The following PSMG2 variants were observed in gnomAD, a reference collection of about 807,000 sequenced individuals.
PSMG2 encodes the protein proteasome assembly chaperone 2, also known as CD40 ligand-activated specific transcript 3.
Under a neutral mutation model 31.5 loss-of-function variants are expected in PSMG2, and 21 were observed. The ratio of observed to expected loss-of-function variants is 0.67; its 90% confidence interval spans 0.47 to 0.96. The LOEUF (loss-of-function observed/expected upper bound fraction) is 0.96. PSMG2 is among the 40% of genes least tolerant of loss of function. The probability of loss-of-function intolerance (pLI) is 0.00; values close to 1 mark genes in which losing one functional copy is unlikely to be tolerated. For missense variants in PSMG2, 318 were observed against 321.2 expected, an observed-to-expected ratio of 0.99 and a Z score of 0.08; for synonymous variants, 120 against 110.4, an observed-to-expected ratio of 1.09 and a Z score of -0.54.
intron 1 of PSMG2, chr18:12,695,236 A>T: frequency 1.8e-6 from 2 of 1,133,376 alleles, no homozygotes; most frequent in Non-Finnish European, 2.5e-6. Flanking sequence ...AAAAAAAGAG[A>T]AACTCATAAG....
chr18:12,688,419 A>C (rs911153635), intron 1 of PSMG2, among the ~76,000 whole-genome samples: 1 of 152,188 alleles, frequency 6.6e-6, no homozygotes, highest in Non-Finnish European at 1.5e-5. Flanking sequence ...GCAAATCTAC[A>C]GATCTTTGGT....
chr18:12,680,084 AT>A lies in PSMG2; in HGVS notation c.-37+21312del, dbSNP rs543187570. On this transcript the variant is annotated intron_variant, in intron 1 of 6. Transcript: ENST00000585331. ...AAAAAAAGAGAAAACTGAAAAAAAA[AT>A]ATGCTAATCATACAAAACTAGTAAA... Among the ~76,000 whole-genome samples the A allele has an allele frequency of 2.4e-4, 36 of 152,122 alleles. No individual in the cohort carries two copies. In the East Asian group the frequency reaches 5.4e-3, roughly 23 times the overall value.
chr18:12,673,297 A>G, intron 1 of PSMG2: 1 of 1,522,174 alleles, frequency 6.6e-7, no homozygotes, highest in Non-Finnish European at 8.7e-7. Context: ...ACCTCTAAAT[A>G]GCTAAGTAAT....
At chr18:12,697,188 T>C (rs751110864) in intron 1 of PSMG2, 4 of 1,363,450 alleles carry the variant, frequency 2.9e-6, no homozygotes, top group South Asian at 2.8e-5. Flanking sequence ...ACTGTGGCTA[T>C]AAAAAGGTTA....
chr18:12,692,410 G>T (rs967928937), intron 1 of PSMG2: 1 of 151,544 alleles, frequency 6.6e-6, no homozygotes, highest in South Asian at 2.1e-4. Context: ...ACTCTGGCCC[G>T]ACTATCTCAT....
intron 1 of PSMG2, chr18:12,673,506 A>G (rs752722510): frequency 2.6e-6 from 4 of 1,565,990 alleles, no homozygotes; most frequent in African/African-American, 2.8e-5. Context: ...AAGGAGATCT[A>G]TTTAAGAAAA....
At chr18:12,693,639 T>G (rs2039845960) in intron 1 of PSMG2, among the ~76,000 whole-genome samples, 1 of 151,808 alleles carries the variant, frequency 6.6e-6, no homozygotes, top group African/African-American at 2.4e-5. Context: ...AAAAATTAGC[T>G]GGGCGTGGTG....
At chr18:12,716,787 A>T (rs2040380720) in intron 3 of PSMG2, among the ~76,000 whole-genome samples, 1 of 152,082 alleles carries the variant, frequency 6.6e-6, no homozygotes, top group Admixed American at 6.6e-5. Context: ...CTTAATCCTC[A>T]TGACAAACCT....
At chr18:12,698,668 T>C (rs939089853), upstream of PSMG2, 4 of 239,280 alleles carry the variant, frequency 1.7e-5, no homozygotes, top group Non-Finnish European at 2.4e-5. Context: ...AGAAGGACCA[T>C]GTCTCATTTT....
At chr18:12,718,052 C>T (rs1052607647) in intron 3 of PSMG2, among the ~76,000 whole-genome samples, 19 of 149,626 alleles carry the variant, frequency 1.3e-4, no homozygotes, top group African/African-American at 3.2e-4. Flanking sequence ...TCGGTTCCCC[C>T]GGCTGGAGTG....
chr18:12,720,682 A>G lies in PSMG2; in HGVS notation c.580A>G (p.Ser194Gly). 2 of 1,605,702 alleles carry G rather than the reference A, an allele frequency of 1.2e-6. No individual in the cohort carries two copies. Among genetic ancestry groups the G allele is most frequent in the African/African-American group, 1.3e-5 (1 of 74,326 alleles). Residue 194 changes from serine to glycine, a missense_variant and splice_region_variant, in exon 5 of 7, where the codon AGC becomes GGC. Transcript: ENST00000317615. ...GGITKTLYDE[S>G]CSKEIQMAVL... The stretch of plus-strand genomic sequence containing the variant: ...TATCACAAAAACACTCTATGATGAA[A>G]GGTGAGTTTGTTTGCCTGTTCATTT...
intron 2 of PSMG2, among the ~76,000 whole-genome samples, chr18:12,711,846 C>T (rs1367647008): frequency 6.6e-6 from 1 of 151,626 alleles, no homozygotes; most frequent in Non-Finnish European, 1.5e-5. Context: ...CTCCGCCCCC[C>T]GGGTTCACGC....
At chr18:12,682,011 AAAAAG>A (rs1598629057) in intron 1 of PSMG2, among the ~76,000 whole-genome samples, 1 of 152,082 alleles carries the variant, frequency 6.6e-6, no homozygotes, top group African/African-American at 2.4e-5. Flanking sequence ...AAAAAAAGAA[AAAAAG>A]AAAAGAAAAT....
upstream of PSMG2, chr18:12,701,133 T>C: frequency 1.3e-6 from 2 of 1,591,900 alleles, no homozygotes; most frequent in Non-Finnish European, 1.7e-6. Flanking sequence ...AAACTCATAT[T>C]ACAATTTATA....
intron 1 of PSMG2, among the ~76,000 whole-genome samples, chr18:12,690,557 G>A (rs997421835): frequency 1.3e-5 from 2 of 151,780 alleles, no homozygotes; most frequent in East Asian, 1.9e-4. Flanking sequence ...CCGGGTTCAC[G>A]CCATTCTCCT....
At chr18:12,663,929 T>C (rs9945644) in intron 1 of PSMG2, among the ~76,000 whole-genome samples, 56,988 of 151,578 alleles carry the variant, frequency 0.38, 10,957 homozygotes, top group Non-Finnish European at 0.43. Context: ...CTTTGGGAGG[T>C]TGAGGCAGGC....
chr18:12,717,050 A>C (rs546420742), intron 3 of PSMG2, among the ~76,000 whole-genome samples: 11 of 151,026 alleles, frequency 7.3e-5, no homozygotes, highest in Admixed American at 5.3e-4. Flanking sequence ...CCGAGGCTCA[A>C]ATGATCCTCC....
chr18:12,672,191 T>C (rs1468181120), intron 1 of PSMG2, among the ~76,000 whole-genome samples: 1 of 141,886 alleles, frequency 7.0e-6, no homozygotes, highest in African/African-American at 2.6e-5. Context: ...CTCACCTCAC[T>C]GCAACCTCTG....
At chr18:12,687,327 G>C (rs1404412170) in intron 1 of PSMG2, among the ~76,000 whole-genome samples, 1 of 151,410 alleles carries the variant, frequency 6.6e-6, no homozygotes, top group East Asian at 1.9e-4. Flanking sequence ...CCATACTTTA[G>C]CAAGGAAAAA....
Sources: allele counts gnomAD v4.1 joint callset (sites outside exome capture counted in the v4.1 genomes callset), GRCh38; gene constraint gnomAD v4.1.1; transcripts MANE v1.5; gene names NCBI Gene and HGNC (gene_info 2026-07-23, HGNC 2026-07-21).